Variants in MCF2 observed in about 807,000 individuals in gnomAD.
MCF2 encodes MCF.2 cell line derived transforming sequence.
A neutral mutation model predicts 82.5 loss-of-function variants in MCF2; 44 were observed. The observed-to-expected ratio is 0.53, with a 90% CI of 0.42 to 0.69. The LOEUF (loss-of-function observed/expected upper bound fraction) is 0.69, where lower values mean the gene tolerates loss of function less well. MCF2 is among the 30% of genes least tolerant of loss of function. MCF2 has a pLI of 0.00. For synonymous variants in MCF2, 217 were observed against 224.9 expected (o/e 0.96, Z 0.32); for missense variants, 623 against 663.1 (o/e 0.94, Z 0.66).
In MCF2 at chrX:139,663,393, TGTAA is replaced by T. The variant is rs201708863; in HGVS notation, c.-44-11609_-44-11606del. On this transcript the variant is annotated intron_variant, in intron 1 of 27. Transcript: ENST00000414978. Reference sequence around the variant, plus strand: ...CCTGCAGTTAAGGAATAGAATCTTCTGTAAGTGTCTGTTAGGTCCATTCAGTCTA... The same window carrying T: ...CCTGCAGTTAAGGAATAGAATCTTCTGTGTCTGTTAGGTCCATTCAGTCTA... 3.1e-3 allele frequency among the ~76,000 whole-genome samples: 345 copies of T among 112,090 alleles called. 2 individuals carry two copies. The highest frequency in any genetic ancestry group is 0.011 in the African/African-American group (336 of 30,902).
chrX:139,599,410 G>A (rs139340734), intron 16 of MCF2, among the ~76,000 whole-genome samples: 174 of 109,796 alleles, frequency 1.6e-3, no homozygotes, highest in Non-Finnish European at 2.9e-3. Context: ...GAAAACTTCC[G>A]CAAAATTTGG....
intron 1 of MCF2, among the ~76,000 whole-genome samples, chrX:139,672,090 T>C (rs188205105): frequency 9.0e-6 from 1 of 111,633 alleles, no homozygotes; most frequent in Non-Finnish European, 1.9e-5. Context: ...TGAATGGGAG[T>C]TCACTCATGA....
chrX:139,678,470 T>G (rs1026160545), intron 1 of MCF2, among the ~76,000 whole-genome samples: 2 of 111,939 alleles, frequency 1.8e-5, no homozygotes, highest in Admixed American at 1.9e-4. Flanking sequence ...AACTGATTAA[T>G]TATGCTACAT....
At chrX:139,688,125 G>A (rs1437790966) in intron 1 of MCF2, among the ~76,000 whole-genome samples, 2 of 111,648 alleles carry the variant, frequency 1.8e-5, no homozygotes, top group Non-Finnish European at 3.8e-5. Context: ...GAGGGTAAAA[G>A]TCAGGCATTG....
chrX:139,626,613 G>C lies in MCF2; in HGVS notation c.572+10C>G. On this transcript the variant is annotated intron_variant, in intron 5 of 24. Coordinates refer to ENST00000370576, the Ensembl canonical transcript of MCF2. Reference sequence around the variant, plus strand: ...AATAAGTAACTCTAAACCAAAAAGAGAGTACTCACTTATTAATAGTTTGCC... The same window carrying C: ...AATAAGTAACTCTAAACCAAAAAGACAGTACTCACTTATTAATAGTTTGCC... 3 of 1,198,707 alleles carry C rather than the reference G, an allele frequency of 2.5e-6. No homozygotes were observed. Among genetic ancestry groups the C allele is most frequent in the African/African-American group, 1.7e-5 (1 of 57,330 alleles).
chrX:139,699,253 C>A (rs1038523539), intron 1 of MCF2, among the ~76,000 whole-genome samples: 15 of 112,108 alleles, frequency 1.3e-4, no homozygotes, highest in African/African-American at 4.9e-4. Context: ...GTCTAGTCTC[C>A]CAATCAATGA....
chrX:139,692,041 T>C, intron 1 of MCF2: 1 of 1,165,947 alleles, frequency 8.6e-7, no homozygotes, highest in Non-Finnish European at 1.1e-6. Context: ...GGCATGAAAG[T>C]GCAGCCATCT....
In MCF2 at chrX:139,661,625, T is replaced by G. The variant is rs140929543; in HGVS notation, c.-44-9837A>C. Among the ~76,000 whole-genome samples, 896 of 111,634 alleles carry G rather than the reference T, an allele frequency of 8.0e-3. 7 individuals are homozygous for G. The highest frequency in any genetic ancestry group is 0.028 in the African/African-American group (848 of 30,727). On this transcript the variant is annotated intron_variant, in intron 1 of 27. Coordinates refer to the MCF2 transcript ENST00000414978. ...ACAAAACTTGTCCTGAATACTATTC[T>G]AAGATGCTAAGTACTATTCTATTCA...
chrX:139,692,427 C>A (rs938439438), intron 1 of MCF2, among the ~76,000 whole-genome samples: 12 of 110,583 alleles, frequency 1.1e-4, no homozygotes, highest in African/African-American at 3.9e-4. Context: ...TCTGGCGGAG[C>A]GCTCTGGCCC....
At chrX:139,613,290 A>G in intron 10 of MCF2, 27 bp from the exon 14 acceptor site, 11 of 1,070,982 alleles carry the variant, frequency 1.0e-5, no homozygotes, top group Non-Finnish European at 1.3e-5. Flanking sequence ...TAACGCCATT[A>G]AATAAGAATA....
intron 10 of MCF2, 132 bp from the exon 15 acceptor site, chrX:139,610,470 A>G: frequency 2.6e-6 from 1 of 391,366 alleles, no homozygotes; most frequent in African/African-American, 2.6e-5. Flanking sequence ...TTAAAATCAC[A>G]CTATAGAAGA....
At chrX:139,707,319 T>C (rs1299218865) in intron 1 of MCF2, among the ~76,000 whole-genome samples, 1 of 111,324 alleles carries the variant, frequency 9.0e-6, no homozygotes, top group African/African-American at 3.3e-5. Context: ...AGAAACTTTC[T>C]ACCTCCACAA....
chrX:139,681,675 T>A (rs756389041), intron 1 of MCF2, among the ~76,000 whole-genome samples: 2 of 112,270 alleles, frequency 1.8e-5, no homozygotes, highest in African/African-American at 6.5e-5. Flanking sequence ...TCTAGATATA[T>A]GTGGATTTTT....
chrX:139,676,645 G>T (rs2148559417), intron 1 of MCF2, among the ~76,000 whole-genome samples: 1 of 111,596 alleles, frequency 9.0e-6, no homozygotes, highest in South Asian at 3.8e-4. Flanking sequence ...TGGTAAAGTG[G>T]AAAAAATGGC....
intron 2 of MCF2, among the ~76,000 whole-genome samples, chrX:139,648,209 C>G (rs1223652488): frequency 9.2e-6 from 1 of 109,228 alleles, no homozygotes; most frequent in Non-Finnish European, 1.9e-5. Flanking sequence ...CTGTCTCTAC[C>G]AAAAATACAA....
chrX:139,596,180 A>C (rs1930077757), intron 19 of MCF2, among the ~76,000 whole-genome samples: 1 of 111,260 alleles, frequency 9.0e-6, no homozygotes, highest in Non-Finnish European at 1.9e-5. Context: ...CCTGTAGCAT[A>C]AGGCTCCTTT....
At chrX:139,634,045 G>A (rs1459232748) in intron 1 of MCF2, among the ~76,000 whole-genome samples, 3 of 111,232 alleles carry the variant, frequency 2.7e-5, no homozygotes, top group Non-Finnish European at 3.8e-5. Context: ...ACAAGATTCT[G>A]ATCTCCATTC....
At position 139,588,572 on chromosome X, in the gene MCF2, C is replaced by T. The variant is rs758513355; in HGVS notation, c.2371-134G>A. 2.8e-5 allele frequency: 11 copies of T among 389,011 alleles called. No individual in the cohort carries two copies. The South Asian group carries it at 6.7e-4, about 24-fold the overall frequency. The allele number at this position is 389,011 out of a possible 1,213,427, so 32.1% of individuals were successfully genotyped here. A position where few individuals can be genotyped will look rare whatever the true frequency, so the allele number is the denominator to read the frequency against. On this transcript the variant is annotated intron_variant, in intron 20 of 24. Transcript: ENST00000370576. ...TATAACACCATACTCAAATCTTAAC[C>T]GTTTGATTGTTAAAATTTTTATGAA...
At chrX:139,674,765 T>C (rs1396695872) in intron 1 of MCF2, among the ~76,000 whole-genome samples, 1 of 111,984 alleles carries the variant, frequency 8.9e-6, no homozygotes. Context: ...ATTTTTTCCT[T>C]CATGTCAACC....
Sources: allele counts gnomAD v4.1 joint callset (sites outside exome capture counted in the v4.1 genomes callset), GRCh38; gene constraint gnomAD v4.1.1; transcripts MANE v1.5; gene names NCBI Gene and HGNC (gene_info 2026-07-23, HGNC 2026-07-21).